The following LRPPRC variants were observed in gnomAD, a reference collection of about 807,000 sequenced individuals.
The protein encoded by LRPPRC is leucine rich pentatricopeptide repeat containing, also known as leucine-rich PPR motif-containing protein, mitochondrial.
In LRPPRC, 120 loss-of-function variants were observed where a neutral mutation model predicts 180.3. The observed-to-expected ratio is 0.67, with a 90% CI of 0.57 to 0.77. The LOEUF is 0.77. Among genes scored for constraint, LRPPRC ranks in the 30% least tolerant of loss-of-function variants. LRPPRC has a pLI of 0.00. For synonymous variants in LRPPRC, 723 were observed against 600.0 expected (o/e 1.21, Z -3.00); for missense variants, 2,012 against 1,657.2 (o/e 1.21, Z -3.72).
Position 43,949,614 on chromosome 2 carries a change from G to A in LRPPRC, c.1723C>T (p.Arg575Ter), listed in dbSNP as rs774934005. The A allele has an allele frequency of 3.1e-6, 5 of 1,613,738 alleles. No homozygotes were observed. Among genetic ancestry groups the A allele is most frequent in the Admixed American group, 1.7e-5 (1 of 59,994 alleles). The change falls in exon 16 of 38, where the codon CGA (arginine) becomes TGA (stop). Residue 575 changes from arginine to a stop codon, truncating the protein, a stop_gained. Coordinates refer to ENST00000260665, the MANE Select transcript of LRPPRC (RefSeq NM_133259.4). LOFTEE classifies it high-confidence loss of function. Reference sequence around the variant, plus strand: ...ATTGAAACGCTACCCGTCGGTCCTCGAGGCTCCTGGCAATAACGTCCATCC... The same window carrying A: ...ATTGAAACGCTACCCGTCGGTCCTCAAGGCTCCTGGCAATAACGTCCATCC... ...YKDGRYCQEP[R>*]GPTEAVGYFL...
intron 30 of LRPPRC, 78 bp downstream of exon 30, chr2:43,912,354 T>C (rs1671292726): frequency 7.7e-6 from 10 of 1,302,224 alleles, no homozygotes; most frequent in Non-Finnish European, 1.1e-5. Context: ...ACACAGCACA[T>C]TACTATTATA....
At chr2:43,991,002 C>A (rs1395275459) in intron 1 of LRPPRC, among the ~76,000 whole-genome samples, 1 of 151,468 alleles carries the variant, frequency 6.6e-6, no homozygotes, top group Admixed American at 6.6e-5. Flanking sequence ...TGGGCCACCA[C>A]GCCTGGCTAA....
chr2:43,961,989 A>C (rs1017380359), intron 12 of LRPPRC, among the ~76,000 whole-genome samples: 1 of 152,216 alleles, frequency 6.6e-6, no homozygotes, highest in Non-Finnish European at 1.5e-5. Context: ...AAGCAGATCA[A>C]TACTGTGAGT....
rs907862077 is a variant in LRPPRC, at chr2:43,983,394, T to G, written c.150-960A>C. Among the ~76,000 whole-genome samples the G allele has an allele frequency of 3.3e-5, 5 of 152,078 alleles. No individual in the cohort carries two copies. In the East Asian group the frequency reaches 9.6e-4, roughly 29 times the overall value. ...GTTTATAGAAAAATCGTGCATTAAG[T>G]AGAGTTCCCATATACTTTCTTCTCT... On this transcript the variant is annotated intron_variant, in intron 1 of 37. Transcript: ENST00000260665.
chr2:43,934,361 T>C, intron 24 of LRPPRC, 65 bp from the exon 25 acceptor site: 1 of 759,370 alleles, frequency 1.3e-6, no homozygotes, highest in South Asian at 1.6e-5. Flanking sequence ...CAGTATCATA[T>C]GAAGTTCCAG....
At chr2:43,977,719 A>G (rs1674123397) in intron 3 of LRPPRC, among the ~76,000 whole-genome samples, 1 of 152,130 alleles carries the variant, frequency 6.6e-6, no homozygotes, top group South Asian at 2.1e-4. Context: ...CATTTTAAGG[A>G]TGCATTCCAT....
At chr2:43,899,185 G>A (rs772728415) in intron 34 of LRPPRC, 34 bp downstream of exon 34, 2 of 1,434,928 alleles carry the variant, frequency 1.4e-6, no homozygotes, top group East Asian at 2.3e-5. Context: ...TGCAAGCCTC[G>A]AGCCCCACTG....
chr2:43,960,526 A>C lies in LRPPRC; in HGVS notation c.1582+15T>G. 7.5e-7 allele frequency: 1 copy of C among 1,337,254 alleles called. No individual in the cohort carries two copies. Among genetic ancestry groups the C allele is most frequent in the Non-Finnish European group, 1.1e-6 (1 of 929,370 alleles). 82.8% of individuals were successfully genotyped at this position (1,337,254 alleles called of 1,614,324 possible). On this transcript the variant is annotated intron_variant, in intron 13 of 37. Transcript: ENST00000260665. ...TAAACATCTATCAAGTTTACCGCTA[A>C]TGTTGTATACTTACAAAATGATAAT...
At chr2:43,993,385 A>T (rs1242322937) in intron 1 of LRPPRC, among the ~76,000 whole-genome samples, 1 of 152,230 alleles carries the variant, frequency 6.6e-6, no homozygotes, top group East Asian at 1.9e-4. Context: ...CTTTTGAAAT[A>T]ATTTTTCAAA....
At chr2:43,981,121 G>T (rs1025762521) in intron 2 of LRPPRC, among the ~76,000 whole-genome samples, 8 of 152,084 alleles carry the variant, frequency 5.3e-5, no homozygotes, top group Non-Finnish European at 7.4e-5. Context: ...AGGCTTTTGG[G>T]GGTCGGGGGC....
chr2:43,932,831 A>G (rs571366021), intron 25 of LRPPRC, among the ~76,000 whole-genome samples: 62 of 152,344 alleles, frequency 4.1e-4, no homozygotes, highest in African/African-American at 1.4e-3. Flanking sequence ...AAGCAGGTAG[A>G]TGGCAAAACA....
At chr2:43,903,811 G>A (rs1193101300) in intron 31 of LRPPRC, 1 of 152,108 alleles carries the variant, frequency 6.6e-6, no homozygotes, top group East Asian at 1.9e-4. Context: ...AAAGTGTTTT[G>A]TTCTTATCTC....
chr2:43,910,803 C>A (rs1396383288), intron 30 of LRPPRC, among the ~76,000 whole-genome samples: 1 of 151,832 alleles, frequency 6.6e-6, no homozygotes, highest in Non-Finnish European at 1.5e-5. Context: ...CTAGAAGAAA[C>A]CCAATGAAAA....
At chr2:43,957,998 T>C (rs1447065251) in intron 13 of LRPPRC, among the ~76,000 whole-genome samples, 1 of 152,232 alleles carries the variant, frequency 6.6e-6, no homozygotes, top group African/African-American at 2.4e-5. Flanking sequence ...CGTTATGTAA[T>C]TGACTTATAT....
intron 6 of LRPPRC, 77 bp from the exon 7 acceptor site, chr2:43,975,294 T>G: frequency 8.0e-7 from 1 of 1,246,974 alleles, no homozygotes; most frequent in Non-Finnish European, 1.1e-6. Flanking sequence ...AACATATGCT[T>G]ATTAAAATAA....
chr2:43,931,242 T>TAG (rs1390107148), intron 25 of LRPPRC, among the ~76,000 whole-genome samples: 1 of 152,172 alleles, frequency 6.6e-6, no homozygotes. Flanking sequence ...GCTTTAAACT[T>TAG]AGCATTTCGT....
chr2:43,901,332 G>A lies in LRPPRC; in HGVS notation c.3557C>T (p.Ala1186Val). The change falls in exon 32 of 38, where the codon GCT (alanine) becomes GTT (valine). Residue 1186 changes from alanine (A) to valine (V), a missense_variant. Transcript: ENST00000260665. ...TGCAAATACTCACTTCTTTATTTGA[G>A]CCAAAGCAATGTTATTGATGAAAAC... ...KMVFINNIAL[A>V]QIKNNNIDAA... The A allele has an allele frequency of 6.2e-7, 1 of 1,613,132 alleles. No individual in the cohort carries two copies. The highest frequency in any genetic ancestry group is 8.5e-7 in the Non-Finnish European group (1 of 1,179,310).
intron 11 of LRPPRC, among the ~76,000 whole-genome samples, chr2:43,965,397 A>G (rs1673512584): frequency 6.6e-6 from 1 of 152,210 alleles, no homozygotes; most frequent in Non-Finnish European, 1.5e-5. Flanking sequence ...AATCAACTCA[A>G]AATAGATTAA....
At chr2:43,977,106 G>C (rs772511108) in intron 4 of LRPPRC, 49 bp downstream of exon 4, 2 of 1,607,078 alleles carry the variant, frequency 1.2e-6, no homozygotes, top group Admixed American at 3.3e-5. Flanking sequence ...TCTGAGTAAA[G>C]AAAAAAAATG....
Sources: allele counts gnomAD v4.1 joint callset (sites outside exome capture counted in the v4.1 genomes callset), GRCh38; gene constraint gnomAD v4.1.1; transcripts MANE v1.5; gene names NCBI Gene and HGNC (gene_info 2026-07-23, HGNC 2026-07-21).